The following MYLK variants were observed in gnomAD, a reference collection of about 807,000 sequenced individuals.
The protein encoded by MYLK is myosin light chain kinase, smooth muscle.
A neutral mutation model predicts 203.4 loss-of-function variants in MYLK; 106 were observed. The ratio of observed to expected loss-of-function variants is 0.52; its 90% CI spans 0.45 to 0.61. The LOEUF is 0.61. Among genes scored for constraint, MYLK ranks in the 20% least tolerant of loss-of-function variants. The pLI is 0.00. For missense variants in MYLK, 2,072 were observed against 2,442.3 expected (o/e 0.85, Z 3.20); for synonymous variants, 867 against 959.5 (o/e 0.90, Z 1.78).
Position 123,674,120 on chromosome 3 carries a change from G to A in MYLK, c.3653-6933C>T, listed in dbSNP as rs149363432. Reference sequence around the variant, plus strand: ...CATCTCCCAGGGAGATGCCAAACACGTACTGCCAGCCAAACGTGCAAAACC... The same window carrying A: ...CATCTCCCAGGGAGATGCCAAACACATACTGCCAGCCAAACGTGCAAAACC... On this transcript the variant is annotated intron_variant, in intron 20 of 33. Transcript: ENST00000360304. Among the ~76,000 whole-genome samples, 54 of 152,082 alleles carry A rather than the reference G, an allele frequency of 3.6e-4. No individual in the cohort carries two copies. In the East Asian group the frequency reaches 7.0e-3, roughly 20 times the overall value.
At chr3:123,625,336 C>T (rs1351198819) in intron 31 of MYLK, 1 of 152,240 alleles carries the variant, frequency 6.6e-6, no homozygotes, top group Admixed American at 6.5e-5. Flanking sequence ...TTCAGTTCCC[C>T]ATTGCACTAC....
intron 16 of MYLK, among the ~76,000 whole-genome samples, chr3:123,705,125 AC>A (rs1238843163): frequency 4.7e-5 from 7 of 149,534 alleles, no homozygotes; most frequent in Admixed American, 1.3e-4. Context: ...CCACCCCTCT[AC>A]CCCCTGCACA....
At chr3:123,683,398 G>A (rs1344449660) in intron 19 of MYLK, among the ~76,000 whole-genome samples, 4 of 152,140 alleles carry the variant, frequency 2.6e-5, no homozygotes, top group Non-Finnish European at 5.9e-5. Context: ...GGCAGTCAGG[G>A]CTGATCTTGC....
chr3:123,744,168 G>A (rs981746165), intron 5 of MYLK, among the ~76,000 whole-genome samples: 1 of 152,290 alleles, frequency 6.6e-6, no homozygotes, highest in East Asian at 1.9e-4. Flanking sequence ...GAAAATAAAT[G>A]TAAAGCCTTA....
intron 18 of MYLK, among the ~76,000 whole-genome samples, chr3:123,694,135 G>A (rs75315965): frequency 6.6e-6 from 1 of 152,326 alleles, no homozygotes; most frequent in African/African-American, 2.4e-5. Context: ...GGAAGGAAGG[G>A]TGTAATATTC....
chr3:123,801,810 T>C (rs181665230), intron 3 of MYLK, among the ~76,000 whole-genome samples: 11 of 152,236 alleles, frequency 7.2e-5, no homozygotes, highest in African/African-American at 2.7e-4. Flanking sequence ...TGCCACATTT[T>C]CTTTATCTGC....
intron 1 of MYLK, among the ~76,000 whole-genome samples, chr3:123,876,929 C>A (rs2033186295): frequency 6.6e-6 from 1 of 152,148 alleles, no homozygotes; most frequent in Non-Finnish European, 1.5e-5. Context: ...ATGATAAAAA[C>A]ATACCATAAT....
At chr3:123,806,467 G>A (rs2065370511) in intron 3 of MYLK, among the ~76,000 whole-genome samples, 1 of 152,146 alleles carries the variant, frequency 6.6e-6, no homozygotes, top group Non-Finnish European at 1.5e-5. Flanking sequence ...GATGGGTCAA[G>A]AGAAATGTTG....
At chr3:123,653,467 C>T (rs1377119145) in intron 24 of MYLK, among the ~76,000 whole-genome samples, 1 of 152,194 alleles carries the variant, frequency 6.6e-6, no homozygotes, top group Non-Finnish European at 1.5e-5. Context: ...CCAGCCTCAG[C>T]TGGGGAGTAG....
At chr3:123,737,612 C>A in intron 7 of MYLK, 69 bp from the exon 8 acceptor site, 1 of 1,591,806 alleles carries the variant, frequency 6.3e-7, no homozygotes. Flanking sequence ...CTCCTGCCTC[C>A]TGCCAATCCT....
chr3:123,616,069 G>C (rs946139857), intron 33 of MYLK, among the ~76,000 whole-genome samples: 5 of 152,038 alleles, frequency 3.3e-5, no homozygotes, highest in African/African-American at 1.2e-4. Context: ...ATTGGATTGT[G>C]GTATAAATTC....
At position 123,739,570 on chromosome 3, in the gene MYLK, T is replaced by C. The variant is rs1038282120; in HGVS notation, c.422+383A>G. Among the ~76,000 whole-genome samples, 99 of 152,240 alleles carry C rather than the reference T, an allele frequency of 6.5e-4. 1 individual carries two copies. Among genetic ancestry groups the C allele is most frequent in the Non-Finnish European group, 4.4e-5 (3 of 68,032 alleles). ...ATGTTCCAGGATATCTGAACTGAACTTTCCCTGAGTAAGAAACAAACTTTC... is the reference window on the plus strand; with the variant it reads ...ATGTTCCAGGATATCTGAACTGAACCTTCCCTGAGTAAGAAACAAACTTTC... On this transcript the variant is annotated intron_variant, in intron 6 of 33. Coordinates refer to ENST00000360304, the MANE Select transcript of MYLK (RefSeq NM_053025.4).
chr3:123,768,723 T>C (rs1333993937), intron 4 of MYLK, among the ~76,000 whole-genome samples: 1 of 152,224 alleles, frequency 6.6e-6, no homozygotes, highest in Non-Finnish European at 1.5e-5. Context: ...ATAATCATAG[T>C]TCTATTTCTA....
intron 24 of MYLK, among the ~76,000 whole-genome samples, chr3:123,654,142 G>A (rs1050372799): frequency 3.3e-5 from 5 of 152,112 alleles, no homozygotes; most frequent in African/African-American, 9.7e-5. Context: ...TCACGTCTCC[G>A]TGACTTGCAC....
At chr3:123,867,174 A>G (rs1334519279) in intron 2 of MYLK, among the ~76,000 whole-genome samples, 3 of 152,104 alleles carry the variant, frequency 2.0e-5, no homozygotes, top group African/African-American at 4.8e-5. Flanking sequence ...ACCACTGTCC[A>G]TAATTTTCTC....
At chr3:123,690,091 G>A (rs1413489854) in intron 19 of MYLK, among the ~76,000 whole-genome samples, 2 of 152,214 alleles carry the variant, frequency 1.3e-5, no homozygotes, top group East Asian at 3.9e-4. Flanking sequence ...GGCCAGCCCT[G>A]CTGAGTGGCT....
At chr3:123,770,473 A>G (rs1022091584) in intron 4 of MYLK, among the ~76,000 whole-genome samples, 22 of 152,194 alleles carry the variant, frequency 1.4e-4, no homozygotes, top group African/African-American at 5.1e-4. Flanking sequence ...ACATTATTTA[A>G]CCTTAAGCCA....
chr3:123,728,632 G>A (rs776079389), intron 11 of MYLK, among the ~76,000 whole-genome samples: 27 of 152,212 alleles, frequency 1.8e-4, no homozygotes, highest in Middle Eastern at 3.4e-3. Flanking sequence ...CTGAATCTTG[G>A]TAAGAACAGC....
Position 123,672,891 on chromosome 3 carries a change from G to A in MYLK, c.3653-5704C>T, listed in dbSNP as rs915314408. On this transcript the variant is annotated intron_variant, in intron 20 of 33. Coordinates refer to ENST00000360304, the MANE Select transcript of MYLK (RefSeq NM_053025.4). The stretch of plus-strand genomic sequence containing the variant: ...GGGAAAGCACCTGGTTCTAAAACCC[G>A]GTTTCTCAGAGGGAGCATTTCACTT... Among the ~76,000 whole-genome samples the A allele has an allele frequency of 9.2e-5, 14 of 152,092 alleles. 1 individual carries two copies. Among genetic ancestry groups the A allele is most frequent in the Admixed American group, 6.5e-4 (10 of 15,280 alleles).
Sources: gnomAD v4.1 joint callset for allele counts (sites outside exome capture counted in the v4.1 genomes callset) on GRCh38, gnomAD v4.1.1 for gene constraint, MANE v1.5 for transcripts, NCBI Gene and HGNC (gene_info 2026-07-23, HGNC 2026-07-21) for gene names.